Variants in CUX1 observed in about 807,000 individuals in gnomAD.
The protein encoded by CUX1 is protein CASP.
A neutral mutation model predicts 158.8 loss-of-function variants in CUX1; 31 were observed. The observed-to-expected ratio is 0.20, with a 90% CI of 0.15 to 0.26. The LOEUF (loss-of-function observed/expected upper bound fraction) is 0.26, where lower values mean the gene tolerates loss of function less well. CUX1 is among the 10% of genes least tolerant of loss of function. The probability of loss-of-function intolerance (pLI) is 1.00; values close to 1 mark genes in which losing one functional copy is unlikely to be tolerated. For synonymous variants in CUX1, 879 were observed against 862.1 expected, an observed-to-expected ratio of 1.02 and a Z score of -0.34; for missense variants, 1,589 against 2,014.6, an observed-to-expected ratio of 0.79 and a Z score of 4.04.
intron 9 of CUX1, among the ~76,000 whole-genome samples, chr7:102,164,178 C>T (rs1312544764): frequency 1.3e-5 from 2 of 152,186 alleles, no homozygotes; most frequent in East Asian, 3.8e-4. Context: ...AAAAAAGTGG[C>T]CCGCCCACCA....
intron 4 of CUX1, among the ~76,000 whole-genome samples, chr7:102,093,479 G>A (rs571745298): frequency 2.0e-5 from 3 of 152,250 alleles, no homozygotes; most frequent in Non-Finnish European, 2.9e-5. Context: ...GAGCCACTGT[G>A]CCTGGCCAGT....
At chr7:102,138,899 C>G (rs574821056) in intron 8 of CUX1, among the ~76,000 whole-genome samples, 7 of 152,274 alleles carry the variant, frequency 4.6e-5, no homozygotes, top group Admixed American at 4.6e-4. Context: ...TTCTTCTCAT[C>G]ACATTGTTTT....
intron 8 of CUX1, among the ~76,000 whole-genome samples, chr7:102,153,118 C>T (rs758011882): frequency 1.3e-5 from 2 of 152,162 alleles, no homozygotes; most frequent in Non-Finnish European, 2.9e-5. Flanking sequence ...GGAGATGAGG[C>T]GTGGTTTTCC....
intron 8 of CUX1, among the ~76,000 whole-genome samples, chr7:102,138,787 A>C (rs572656784): frequency 6.6e-6 from 1 of 152,218 alleles, no homozygotes; most frequent in Non-Finnish European, 1.5e-5. Context: ...ATTATCCATT[A>C]GTGGTAAGAA....
intron 2 of CUX1, among the ~76,000 whole-genome samples, chr7:101,966,427 G>A (rs1299039889): frequency 2.0e-5 from 3 of 151,872 alleles, no homozygotes; most frequent in South Asian, 2.1e-4. Context: ...AAGCCTGGCC[G>A]AGAGTTGATA....
chr7:102,216,625 A>C (rs1163339863), intron 20 of CUX1, among the ~76,000 whole-genome samples: 7 of 92,800 alleles, frequency 7.5e-5, no homozygotes, highest in Non-Finnish European at 1.5e-4. Context: ...CTCCCCACAC[A>C]CACACCCCCA....
chr7:102,050,717 T>G (rs1264771831), intron 3 of CUX1, among the ~76,000 whole-genome samples: 1 of 144,870 alleles, frequency 6.9e-6, no homozygotes, highest in Admixed American at 6.8e-5. Context: ...TATTATTTAC[T>G]GTTGTGTTGG....
At chr7:102,203,808 A>G (rs1329427011) in intron 18 of CUX1, among the ~76,000 whole-genome samples, 5 of 152,072 alleles carry the variant, frequency 3.3e-5, no homozygotes, top group Non-Finnish European at 2.9e-5. Flanking sequence ...CAACTCGGCA[A>G]TCATCTGCGG....
chr7:102,282,479 G>A (rs1192091529), intron 21 of CUX1, among the ~76,000 whole-genome samples: 3 of 152,132 alleles, frequency 2.0e-5, no homozygotes, highest in Admixed American at 1.3e-4. Flanking sequence ...AGGGTCCAGC[G>A]GCTCCTGGCC....
intron 1 of CUX1, among the ~76,000 whole-genome samples, chr7:101,870,170 T>TTA (rs1798367648): frequency 1.4e-5 from 2 of 142,328 alleles, no homozygotes; most frequent in East Asian, 3.9e-4. Context: ...TTTTTTTTTT[T>TTA]AAAGACAGCA....
intron 6 of CUX1, among the ~76,000 whole-genome samples, chr7:102,108,904 A>G (rs1375302799): frequency 6.6e-6 from 1 of 152,192 alleles, no homozygotes; most frequent in Non-Finnish European, 1.5e-5. Context: ...ACAGGTGCCC[A>G]ACATCACACC....
chr7:102,243,632 AAATAATAAT>A lies in CUX1; in HGVS notation c.3887+4087_3887+4095del, dbSNP rs3077412. Among the ~76,000 whole-genome samples, 1,112 of 130,808 alleles carry A rather than the reference AAATAATAAT, an allele frequency of 8.5e-3. 8 individuals are homozygous for A. Among genetic ancestry groups the A allele is most frequent in the African/African-American group, 0.016 (547 of 34,704 alleles). The allele number at this position is 130,808 out of a possible 152,430, so 85.8% of individuals were successfully genotyped here. On this transcript the variant is annotated intron_variant, in intron 23 of 23. Coordinates refer to ENST00000292535, the MANE Select transcript of CUX1 (RefSeq NM_181552.4). Reference sequence around the variant, plus strand: ...CTCAGTGAGACCCTGTCTCTACAGAAAATAATAATAATAATAATAATAATAATAATAATA... The same window carrying A: ...CTCAGTGAGACCCTGTCTCTACAGAAAATAATAATAATAATAATAATAATA...
chr7:102,138,061 G>A (rs1413901306), intron 8 of CUX1, among the ~76,000 whole-genome samples: 2 of 152,006 alleles, frequency 1.3e-5, no homozygotes, highest in Non-Finnish European at 2.9e-5. Context: ...GGTGCTCACT[G>A]TAGTCTTAGC....
At chr7:102,121,421 C>T (rs970335799) in intron 8 of CUX1, among the ~76,000 whole-genome samples, 4 of 151,714 alleles carry the variant, frequency 2.6e-5, no homozygotes, top group East Asian at 1.9e-4. Context: ...TCTTGGCTCA[C>T]GGCATCCTCC....
At chr7:101,911,751 C>T (rs1057136100) in intron 1 of CUX1, among the ~76,000 whole-genome samples, 9 of 152,214 alleles carry the variant, frequency 5.9e-5, no homozygotes, top group African/African-American at 2.2e-4. Context: ...TTGGTCAGCT[C>T]GGCCCATTGA....
At chr7:102,274,042 T>G (rs930396509) in intron 15 of CUX1, 27 of 559,716 alleles carry the variant, frequency 4.8e-5, no homozygotes, top group Non-Finnish European at 8.6e-5. Context: ...GCCTCAGGAG[T>G]GACTCAGGGC....
At chr7:101,977,602 C>T (rs1367384656) in intron 2 of CUX1, among the ~76,000 whole-genome samples, 1 of 151,884 alleles carries the variant, frequency 6.6e-6, no homozygotes, top group African/African-American at 2.4e-5. Flanking sequence ...ATGATCGTGC[C>T]ACTGTACTCC....
chr7:102,114,219 A>C (rs928335919), intron 7 of CUX1, among the ~76,000 whole-genome samples: 3 of 152,248 alleles, frequency 2.0e-5, no homozygotes, highest in African/African-American at 7.2e-5. Flanking sequence ...ACACACACAT[A>C]TATACATGCA....
At chr7:102,190,264 G>T (rs1255515126) in intron 12 of CUX1, among the ~76,000 whole-genome samples, 1 of 152,184 alleles carries the variant, frequency 6.6e-6, no homozygotes, top group Admixed American at 6.5e-5. Context: ...ACGCTGCCCC[G>T]GCCTCCTGGA....
Sources: allele counts gnomAD v4.1 joint callset (sites outside exome capture counted in the v4.1 genomes callset), GRCh38; gene constraint gnomAD v4.1.1; transcripts MANE v1.5; gene names NCBI Gene and HGNC (gene_info 2026-07-23, HGNC 2026-07-21).